The following MTO1 variants were observed in gnomAD, a reference collection of about 807,000 sequenced individuals.
MTO1 encodes the protein 5-taurinomethyluridine-[tRNA] synthase subunit MTO1, mitochondrial.
A neutral mutation model predicts 71.6 loss-of-function variants in MTO1; 46 were observed. The ratio of observed to expected loss-of-function variants is 0.64; its 90% CI spans 0.51 to 0.82. MTO1 has a LOEUF of 0.82. Ranked by LOEUF, MTO1 falls within the 40% of genes least tolerant of loss-of-function variation. The pLI, the probability that MTO1 is intolerant of heterozygous loss-of-function variation, is 0.00. For missense variants in MTO1, 773 were observed against 867.5 expected, an observed-to-expected ratio of 0.89 and a Z score of 1.37; for synonymous variants, 297 against 312.1, an observed-to-expected ratio of 0.95 and a Z score of 0.51.
chr6:73,469,997 C>A (rs955734764), intron 3 of MTO1, among the ~76,000 whole-genome samples: 28 of 151,468 alleles, frequency 1.8e-4, no homozygotes, highest in African/African-American at 6.5e-4. Flanking sequence ...AGCAAAACTC[C>A]GTCTCAAAAA....
intron 1 of MTO1, 150 bp downstream of exon 1, chr6:73,462,221 A>G (rs1770844615): frequency 1.2e-6 from 1 of 841,070 alleles, no homozygotes; most frequent in Non-Finnish European, 1.8e-6. Context: ...GTGTCTCGCA[A>G]GGATCAGGCG....
intron 3 of MTO1, among the ~76,000 whole-genome samples, chr6:73,471,112 T>A (rs1771150861): frequency 6.6e-6 from 1 of 152,066 alleles, no homozygotes; most frequent in African/African-American, 2.4e-5. Flanking sequence ...TTTGTTGTTT[T>A]CACAAAATCG....
rs1025602292 is a variant in MTO1 at position 73,461,787 on chromosome 6, C to T, written c.-68C>T. On this transcript the variant is annotated 5_prime_UTR_variant, in exon 1 of 12. Transcript: ENST00000498286. ...GATGGCCGCGCCCTGCAGATTGTCT[C>T]TTGTTGCGTAAGTTTTTTTGACCGT... 1.2e-5 allele frequency: 19 copies of T among 1,530,732 alleles called. No homozygotes were observed. The highest frequency in any genetic ancestry group is 1.4e-5 in the African/African-American group (1 of 73,202). The allele number at this position is 1,530,732 out of a possible 1,614,324, so 94.8% of individuals were successfully genotyped here. A position where few individuals can be genotyped will look rare whatever the true frequency, so the allele number is the denominator to read the frequency against.
At chr6:73,480,528 C>A (rs143223871) in intron 6 of MTO1, 147 bp from the exon 7 acceptor site, 3 of 1,034,902 alleles carry the variant, frequency 2.9e-6, no homozygotes, top group Non-Finnish European at 4.3e-6. Context: ...CCTTGGCCCC[C>A]CAAAGTGCTG....
In MTO1 at chr6:73,473,640, A is replaced by G; in HGVS notation, c.811A>G (p.Thr271Ala). The G allele has an allele frequency of 1.9e-6, 3 of 1,612,560 alleles. No homozygotes were observed. Among genetic ancestry groups the G allele is most frequent in the Middle Eastern group, 1.7e-4 (1 of 6,056 alleles). The change falls in exon 4 of 12, where the codon ACA (threonine) becomes GCA (alanine). Residue 271 changes from threonine to alanine, a missense_variant. Physicochemically the swap from Thr to Ala is moderately conservative, Grantham distance 58 (BLOSUM62 0). Transcript: ENST00000498286. ...CATACCATTCAGCTTTACCAATGAGACAGTATGGATTAAGGTAAGATACTT... is the reference window on the plus strand; with the variant it reads ...CATACCATTCAGCTTTACCAATGAGGCAGTATGGATTAAGGTAAGATACTT... ...PSIPFSFTNE[T>A]VWIKPEDQLP...
chr6:73,462,163 C>T (rs1021411839), intron 1 of MTO1, 92 bp downstream of exon 1: 4 of 1,362,962 alleles, frequency 2.9e-6, no homozygotes, highest in Non-Finnish European at 3.1e-6. Flanking sequence ...CTCTTCCTTT[C>T]CTCAAAGCTA....
At chr6:73,480,969 G>GTTT (rs398001972) in intron 7 of MTO1, 164 bp downstream of exon 7, 195 of 232,562 alleles carry the variant, frequency 8.4e-4, no homozygotes, top group Middle Eastern at 1.4e-3. Context: ...AGATAATAGG[G>GTTT]TTTTTTTTTT....
intron 10 of MTO1, among the ~76,000 whole-genome samples, chr6:73,494,728 G>A (rs1268030741): frequency 1.3e-5 from 2 of 150,476 alleles, no homozygotes; most frequent in Non-Finnish European, 3.0e-5. Context: ...CACCCGCCTC[G>A]GCCTCCCAAA....
At chr6:73,475,661 T>C (rs1483623516) in intron 4 of MTO1, among the ~76,000 whole-genome samples, 3 of 152,104 alleles carry the variant, frequency 2.0e-5, no homozygotes, top group Non-Finnish European at 4.4e-5. Flanking sequence ...ATTACAGGCA[T>C]GTGCCACCAC....
In MTO1 at chr6:73,503,060, G is replaced by A. The variant is rs562025368; in HGVS notation, c.*2325G>A. The A allele has an allele frequency of 6.6e-6, 1 of 152,136 alleles. No homozygotes were observed. Among genetic ancestry groups the A allele is most frequent in the Non-Finnish European group, 1.5e-5 (1 of 68,022 alleles). 9.4% of individuals were successfully genotyped at this position (152,136 alleles called of 1,614,324 possible). ...AATAGTAACTGTCTCACTGAAAAAT[G>A]TTTCATGGAAAATACATATTTTAGA... On this transcript the variant is annotated 3_prime_UTR_variant, in exon 12 of 12. Coordinates refer to ENST00000498286, the MANE Select transcript of MTO1 (RefSeq NM_012123.4).
At chr6:73,475,050 T>A (rs1235055026) in intron 4 of MTO1, among the ~76,000 whole-genome samples, 2 of 152,064 alleles carry the variant, frequency 1.3e-5, no homozygotes, top group Non-Finnish European at 2.9e-5. Flanking sequence ...CCACCGTGCC[T>A]GGCAAATCTT....
In MTO1 at chr6:73,473,668, C is replaced by T. The variant is rs371484015; in HGVS notation, c.825+14C>T. 1.4e-5 allele frequency: 22 copies of T among 1,578,110 alleles called. No individual in the cohort carries two copies. The highest frequency in any genetic ancestry group is 1.7e-5 in the Non-Finnish European group (20 of 1,157,498). On this transcript the variant is annotated intron_variant, in intron 4 of 11. Coordinates refer to ENST00000498286, the MANE Select transcript of MTO1 (RefSeq NM_012123.4). ...GTATGGATTAAGGTAAGATACTTTA[C>T]GAAAACCTGGCTTACAGCTGGTATT... is the stretch of plus-strand genomic sequence containing the variant.
In MTO1 at chr6:73,476,943, A is replaced by G. The variant is rs184130327; in HGVS notation, c.826-2789A>G. 1.2e-3 allele frequency among the ~76,000 whole-genome samples: 178 copies of G among 152,096 alleles called. 3 individuals carry two copies. Among genetic ancestry groups the G allele is most frequent in the Admixed American group, 0.012 (178 of 15,270 alleles). ...GCCGGGATTACAGGCACCCGCCAAC[A>G]CGCCTGACTAATTTTTGTAGTTTTA... On this transcript the variant is annotated intron_variant, in intron 4 of 11. Coordinates refer to ENST00000498286, the MANE Select transcript of MTO1 (RefSeq NM_012123.4).
At position 73,473,461 on chromosome 6, in the gene MTO1, G is replaced by T. The variant is rs1160009189; in HGVS notation, c.632G>T (p.Gly211Val). 6.2e-7 allele frequency: 1 copy of T among 1,614,040 alleles called. No individual in the cohort carries two copies. The highest frequency in any genetic ancestry group is 1.7e-5 in the Admixed American group (1 of 59,974). ...ATTGGATTGGAGACGCATCCAGCAG[G>T]ACGTTTAGGGGATCAGCCTTCTATA... ...IVIGLETHPAGRLGDQPSIGL... is the reference protein window; with the variant it reads ...IVIGLETHPAVRLGDQPSIGL... Residue 211 changes from glycine to valine, a missense_variant, in exon 4 of 12, where the codon GGA (glycine) becomes GTA (valine). Coordinates refer to ENST00000498286, the MANE Select transcript of MTO1 (RefSeq NM_012123.4).
chr6:73,479,775 G>C lies in MTO1; in HGVS notation c.869G>C (p.Arg290Thr). The C allele has an allele frequency of 3.7e-6, 6 of 1,614,000 alleles. No homozygotes were observed. Among genetic ancestry groups the C allele is most frequent in the Non-Finnish European group, 5.1e-6 (6 of 1,179,992 alleles). Residue 290 changes from arginine (R) to threonine (T), a missense_variant, in exon 5 of 12, where the codon AGA becomes ACA. Arg to Thr is a moderately conservative substitution (Grantham distance 71). Coordinates refer to ENST00000498286, the MANE Select transcript of MTO1 (RefSeq NM_012123.4). Reference sequence around the variant, plus strand: ...TGTTACTTGACTCACACCAACCCTAGAGTGGATGAGATTGTCCTTAAGAAC... The same window carrying C: ...TGTTACTTGACTCACACCAACCCTACAGTGGATGAGATTGTCCTTAAGAAC... Reference protein sequence around the residue: ...LPCYLTHTNPRVDEIVLKNLH... With the variant: ...LPCYLTHTNPTVDEIVLKNLH...
At chr6:73,488,976 T>A (rs1024713027) in intron 9 of MTO1, among the ~76,000 whole-genome samples, 2 of 152,228 alleles carry the variant, frequency 1.3e-5, no homozygotes, top group Non-Finnish European at 2.9e-5. Flanking sequence ...ACTTTTGCTT[T>A]TGTTTCTTGT....
chr6:73,468,933 A>G (rs774847473), intron 3 of MTO1, among the ~76,000 whole-genome samples: 3 of 151,722 alleles, frequency 2.0e-5, no homozygotes, highest in Non-Finnish European at 4.4e-5. Flanking sequence ...AGTTCTGTTT[A>G]TGTGTTTGGG....
rs201035809 is a variant in MTO1, at chr6:73,506,682, C to CTT, written c.*5969_*5970dup. 409 of 56,928 alleles carry CTT rather than the reference C, an allele frequency of 7.2e-3. 1 individual carries two copies. Among genetic ancestry groups the CTT allele is most frequent in the East Asian group, 0.016 (31 of 1,976 alleles). 3.5% of individuals were successfully genotyped at this position (56,928 alleles called of 1,614,324 possible). A position where few individuals can be genotyped will look rare whatever the true frequency, so the allele number is the denominator to read the frequency against. ...AATGAACTAATACAGTGTTTTATCA[C>CTT]TTTTTTTTTTTTTTTTTTTTTTTGA... On this transcript the variant is annotated 3_prime_UTR_variant, in exon 12 of 12. Coordinates refer to ENST00000498286, the MANE Select transcript of MTO1 (RefSeq NM_012123.4).
At chr6:73,470,005 A>C (rs1210738477) in intron 3 of MTO1, among the ~76,000 whole-genome samples, 2 of 152,116 alleles carry the variant, frequency 1.3e-5, no homozygotes, top group African/African-American at 4.8e-5. Flanking sequence ...TCCGTCTCAA[A>C]AAAAAAGAAA....
Sources: allele counts gnomAD v4.1 joint callset (sites outside exome capture counted in the v4.1 genomes callset), GRCh38; gene constraint gnomAD v4.1.1; transcripts MANE v1.5; gene names NCBI Gene and HGNC (gene_info 2026-07-23, HGNC 2026-07-21).